CORIN: variants seen among roughly 807,000 people sequenced by gnomAD.
CORIN encodes the protein corin, serine peptidase.
CORIN carries 117 observed loss-of-function variants against 125.3 expected under a neutral mutation model. That is an observed-to-expected ratio of 0.93 (90% CI 0.80 to 1.09). CORIN has a LOEUF of 1.09. Ranked by LOEUF, CORIN falls within the 50% of genes least tolerant of loss-of-function variation. CORIN has a pLI of 0.00. For missense variants in CORIN, 1,253 were observed against 1,306.7 expected, an observed-to-expected ratio of 0.96 and a Z score of 0.63; for synonymous variants, 450 against 466.4, an observed-to-expected ratio of 0.96 and a Z score of 0.45.
At chr4:47,653,437 A>G in intron 13 of CORIN, 116 bp downstream of exon 13, 1 of 778,116 alleles carries the variant, frequency 1.3e-6, no homozygotes, top group Middle Eastern at 2.4e-4. Flanking sequence ...AAGTAAAGAC[A>G]TTAGCATTGA....
chr4:47,618,072 T>C lies in CORIN; in HGVS notation c.2540+5499A>G, dbSNP rs138143412. ...AATGTGGGCTGAGCGCAGTGGCTCA[T>C]GCCTGTAATCCCAGTACTTTGGGAG... is the stretch of plus-strand genomic sequence containing the variant. On this transcript the variant is annotated intron_variant, in intron 19 of 21. Transcript: ENST00000273857. 2.9e-3 allele frequency among the ~76,000 whole-genome samples: 444 copies of C among 151,676 alleles called. 3 individuals carry two copies. Among genetic ancestry groups the C allele is most frequent in the African/African-American group, 9.8e-3 (405 of 41,336 alleles).
chr4:47,831,189 T>C (rs1257167838), intron 1 of CORIN, among the ~76,000 whole-genome samples: 1 of 152,244 alleles, frequency 6.6e-6, no homozygotes, highest in Non-Finnish European at 1.5e-5. Context: ...GCATTGACAC[T>C]GCATTTGTCA....
chr4:47,623,096 C>CTCTCTCTCTATATATA lies in CORIN; in HGVS notation c.2540+474_2540+475insTATATATAGAGAGAGA, dbSNP rs771867590. ...TCTCTCTCTCTCTCTCTCTCTCTCT[C>CTCTCTCTCTATATATA]TATATATATATATATATATATACAC... On this transcript the variant is annotated intron_variant, in intron 19 of 21. Transcript: ENST00000273857. Among the ~76,000 whole-genome samples, 167 of 102,266 alleles carry CTCTCTCTCTATATATA rather than the reference C, an allele frequency of 1.6e-3. 1 individual carries two copies. Among genetic ancestry groups the CTCTCTCTCTATATATA allele is most frequent in the African/African-American group, 5.2e-3 (121 of 23,358 alleles). 67.1% of individuals were successfully genotyped at this position (102,266 alleles called of 152,430 possible). A position where few individuals can be genotyped will look rare whatever the true frequency, so the allele number is the denominator to read the frequency against.
At chr4:47,825,829 T>C (rs937585033) in intron 1 of CORIN, among the ~76,000 whole-genome samples, 1 of 151,060 alleles carries the variant, frequency 6.6e-6, no homozygotes, top group African/African-American at 2.4e-5. Flanking sequence ...GCCTGCCAAC[T>C]AGCTTACTAG....
intron 5 of CORIN, among the ~76,000 whole-genome samples, chr4:47,718,575 C>T (rs955755570): frequency 6.6e-6 from 1 of 152,172 alleles, no homozygotes; most frequent in Non-Finnish European, 1.5e-5. Flanking sequence ...TGACAGTTGT[C>T]ATTGTAACCT....
intron 3 of CORIN, among the ~76,000 whole-genome samples, chr4:47,781,109 A>C (rs536816489): frequency 6.6e-6 from 1 of 152,154 alleles, no homozygotes; most frequent in African/African-American, 2.4e-5. Context: ...AATGGATTAA[A>C]TTTTTTCAAT....
At chr4:47,642,873 A>G (rs572290508) in intron 15 of CORIN, 1 of 1,461,394 alleles carries the variant, frequency 6.8e-7, no homozygotes, top group Non-Finnish European at 9.0e-7. Context: ...AAGAGTTTTT[A>G]AATCCTCTCC....
intron 6 of CORIN, among the ~76,000 whole-genome samples, chr4:47,684,872 C>A (rs982312993): frequency 2.6e-5 from 4 of 151,768 alleles, no homozygotes; most frequent in Non-Finnish European, 5.9e-5. Context: ...AAAAGGTGCT[C>A]AACGTTATTA....
intron 12 of CORIN, among the ~76,000 whole-genome samples, chr4:47,656,562 C>T (rs1040013117): frequency 2.6e-5 from 4 of 152,228 alleles, no homozygotes; most frequent in African/African-American, 9.6e-5. Context: ...TCAGTTGATG[C>T]ATTTGATAAA....
At chr4:47,768,845 G>A (rs901007829) in intron 3 of CORIN, among the ~76,000 whole-genome samples, 4 of 152,222 alleles carry the variant, frequency 2.6e-5, no homozygotes, top group Non-Finnish European at 5.9e-5. Flanking sequence ...GGCCATCTAC[G>A]ACAAACCCAC....
At position 47,806,944 on chromosome 4, in the gene CORIN, C is replaced by T. The variant is rs1250932120; in HGVS notation, c.167G>A (p.Cys56Tyr). ...FLLLVLIPCI[C>Y]ALVLLLVILL... The stretch of plus-strand genomic sequence containing the variant: ...GATCACCAGCAAGAGAACGAGAGCA[C>T]AGATACATGGAATCAGGACCAGCAA... The change falls in exon 2 of 22, where the codon TGT becomes TAT. Residue 56 changes from cysteine to tyrosine, a missense_variant. Coordinates refer to ENST00000273857, the MANE Select transcript of CORIN (RefSeq NM_006587.4). The T allele has an allele frequency of 1.9e-6, 3 of 1,613,698 alleles. No homozygotes were observed. The highest frequency in any genetic ancestry group is 1.1e-5 in the South Asian group (1 of 91,038).
chr4:47,636,303 A>G (rs1425936481), intron 16 of CORIN, among the ~76,000 whole-genome samples: 2 of 152,234 alleles, frequency 1.3e-5, no homozygotes, highest in African/African-American at 4.8e-5. Context: ...AGATATAAAG[A>G]GTCACCTTTC....
intron 6 of CORIN, among the ~76,000 whole-genome samples, chr4:47,692,447 CTAAT>C (rs1267154242): frequency 1.3e-5 from 2 of 151,752 alleles, no homozygotes; most frequent in Admixed American, 6.6e-5. Context: ...GTCAAAATGA[CTAAT>C]CAATCAATGG....
Position 47,665,035 on chromosome 4 carries a change from CA to C in CORIN, c.1585del (p.Cys529AlafsTer43), listed in dbSNP as rs767801442. 6 of 1,598,352 alleles carry C rather than the reference CA, an allele frequency of 3.8e-6. No homozygotes were observed. In the East Asian group the frequency reaches 1.1e-4, roughly 30 times the overall value. ...DVNTGEHIPP[C>X]RALCEHSKER... is the part of the protein sequence containing the mutation. ...GGGGTAGATCCCATCATATTACCTGCAAGGAGGGATATGCTCGCCTGTATTC... is the reference window on the plus strand; with the variant it reads ...GGGGTAGATCCCATCATATTACCTGCAGGAGGGATATGCTCGCCTGTATTC... On this transcript the variant is annotated frameshift_variant, in exon 11 of 22. Transcript: ENST00000273857. LOFTEE classifies it high-confidence loss of function.
intron 5 of CORIN, among the ~76,000 whole-genome samples, chr4:47,711,061 G>C (rs1726817436): frequency 6.6e-6 from 1 of 152,174 alleles, no homozygotes; most frequent in South Asian, 2.1e-4. Context: ...ATGTCAAGGA[G>C]GGTAGTGGGA....
rs1302385657 is a variant in CORIN, at chr4:47,687,274, AG to A, written c.914-3437del. Among the ~76,000 whole-genome samples, 4 of 152,368 alleles carry A rather than the reference AG, an allele frequency of 2.6e-5. No homozygotes were observed. In the South Asian group the frequency reaches 8.3e-4, roughly 32 times the overall value. ...TACAAATGGCAAATGCAAATACAGT[AG>A]CAAATGGCAAAGATCACAGTGTCTC... On this transcript the variant is annotated intron_variant, in intron 6 of 21. Transcript: ENST00000273857.
chr4:47,768,669 A>G (rs1729878829), intron 3 of CORIN, among the ~76,000 whole-genome samples: 2 of 152,236 alleles, frequency 1.3e-5, no homozygotes, highest in South Asian at 4.1e-4. Flanking sequence ...GGATGTTTCA[A>G]CATACACAAA....
At chr4:47,771,438 T>C (rs1560541658) in intron 3 of CORIN, among the ~76,000 whole-genome samples, 1 of 152,198 alleles carries the variant, frequency 6.6e-6, no homozygotes, top group South Asian at 2.1e-4. Flanking sequence ...ATTTAAGCTT[T>C]CGTTTTTAAC....
At chr4:47,706,825 C>T in intron 5 of CORIN, 10 of 1,598,254 alleles carry the variant, frequency 6.3e-6, no homozygotes, top group Non-Finnish European at 8.5e-6. Flanking sequence ...CCCCATGGAT[C>T]ACCAAACCAG....
Sources: gnomAD v4.1 joint callset for allele counts (sites outside exome capture counted in the v4.1 genomes callset) on GRCh38, gnomAD v4.1.1 for gene constraint, MANE v1.5 for transcripts, NCBI Gene and HGNC (gene_info 2026-07-23, HGNC 2026-07-21) for gene names.